Variants in RALGAPA2 observed in about 807,000 individuals in gnomAD.
RALGAPA2 encodes Ral GTPase activating protein catalytic subunit alpha 2, also known as ral GTPase-activating protein subunit alpha-2.
A neutral mutation model predicts 230.4 loss-of-function variants in RALGAPA2; 139 were observed. That is an observed-to-expected ratio of 0.60 (90% CI 0.53 to 0.69). The LOEUF is 0.69. Among genes scored for constraint, RALGAPA2 ranks in the 30% least tolerant of loss-of-function variants. RALGAPA2 has a pLI of 0.00. For synonymous variants in RALGAPA2, 847 were observed against 837.8 expected, an observed-to-expected ratio of 1.01 and a Z score of -0.19; for missense variants, 2,163 against 2,276.0, an observed-to-expected ratio of 0.95 and a Z score of 1.01.
intron 27 of RALGAPA2, among the ~76,000 whole-genome samples, chr20:20,530,938 C>G (rs962775243): frequency 6.6e-6 from 1 of 152,130 alleles, no homozygotes; most frequent in East Asian, 1.9e-4. Context: ...TTATTACCAC[C>G]ATTTCCAAGC....
At chr20:20,518,696 G>C (rs2062948031) in intron 31 of RALGAPA2, among the ~76,000 whole-genome samples, 1 of 152,112 alleles carries the variant, frequency 6.6e-6, no homozygotes, top group Admixed American at 6.5e-5. Context: ...GAATTTAAAT[G>C]TATATTTTTA....
chr20:20,449,535 T>G (rs1261970822), intron 37 of RALGAPA2, among the ~76,000 whole-genome samples: 1 of 152,240 alleles, frequency 6.6e-6, no homozygotes, highest in Non-Finnish European at 1.5e-5. Flanking sequence ...ACTAAAAGGC[T>G]TAGCAAAAGC....
chr20:20,516,689 T>C (rs1346144640), intron 31 of RALGAPA2, among the ~76,000 whole-genome samples: 1 of 152,128 alleles, frequency 6.6e-6, no homozygotes, highest in African/African-American at 2.4e-5. Context: ...CTGGGAGACT[T>C]GAAGAAAGGT....
intron 18 of RALGAPA2, among the ~76,000 whole-genome samples, chr20:20,586,382 C>G (rs1371402407): frequency 6.6e-6 from 1 of 152,172 alleles, no homozygotes; most frequent in Non-Finnish European, 1.5e-5. Context: ...TGCAAACATA[C>G]TGTTGAAATG....
At chr20:20,614,675 G>GCA (rs1460773651) in intron 13 of RALGAPA2, among the ~76,000 whole-genome samples, 1 of 152,194 alleles carries the variant, frequency 6.6e-6, no homozygotes, top group African/African-American at 2.4e-5. Flanking sequence ...TGAACTTTCT[G>GCA]CACACCAAGA....
chr20:20,701,007 T>A (rs923214857), intron 1 of RALGAPA2, among the ~76,000 whole-genome samples: 55 of 152,298 alleles, frequency 3.6e-4, no homozygotes, highest in African/African-American at 1.0e-3. Context: ...GGGTTTTTTT[T>A]AAAAAGTTAC....
chr20:20,656,934 TG>T (rs2067608775), intron 3 of RALGAPA2, among the ~76,000 whole-genome samples: 2 of 152,192 alleles, frequency 1.3e-5, no homozygotes, highest in African/African-American at 2.4e-5. Context: ...GGAGATGGCC[TG>T]GGGATCACCA....
In RALGAPA2 at chr20:20,537,031, A is replaced by G. The variant is rs576875514; in HGVS notation, c.3286-247T>C. On this transcript the variant is annotated intron_variant, in intron 24 of 39. Coordinates refer to ENST00000202677, the MANE Select transcript of RALGAPA2 (RefSeq NM_020343.4). ...GAAACTGATCTGCAGATTCATTCAGAATTAGAAAGGCCAATGACTCTGTCA... is the reference window on the plus strand; with the variant it reads ...GAAACTGATCTGCAGATTCATTCAGGATTAGAAAGGCCAATGACTCTGTCA... 7.9e-5 allele frequency among the ~76,000 whole-genome samples: 12 copies of G among 152,330 alleles called. No individual in the cohort carries two copies. The South Asian group carries it at 2.5e-3, about 32-fold the overall frequency.
intron 3 of RALGAPA2, among the ~76,000 whole-genome samples, chr20:20,664,804 G>T (rs982886145): frequency 6.6e-6 from 1 of 152,136 alleles, no homozygotes; most frequent in African/African-American, 2.4e-5. Flanking sequence ...TAAATTCAGA[G>T]GATTTAAACT....
chr20:20,467,325 T>C (rs2123342742), intron 37 of RALGAPA2, among the ~76,000 whole-genome samples: 1 of 152,386 alleles, frequency 6.6e-6, no homozygotes, highest in South Asian at 2.1e-4. Context: ...CATATTCATT[T>C]CTGAAGGCTC....
intron 10 of RALGAPA2, among the ~76,000 whole-genome samples, chr20:20,623,510 A>C (rs942565265): frequency 3.9e-5 from 6 of 152,178 alleles, no homozygotes; most frequent in Admixed American, 3.9e-4. Flanking sequence ...AAAAAAAAAA[A>C]AAAAACAAAT....
At chr20:20,666,433 C>T in intron 3 of RALGAPA2, among the ~76,000 whole-genome samples, 1 of 152,174 alleles carries the variant, frequency 6.6e-6, no homozygotes, top group East Asian at 1.9e-4. Flanking sequence ...GAAGAATCTG[C>T]TTTTCTTGTT....
chr20:20,559,334 A>G (rs2064183706), intron 23 of RALGAPA2, among the ~76,000 whole-genome samples: 2 of 152,120 alleles, frequency 1.3e-5, no homozygotes, highest in African/African-American at 2.4e-5. Context: ...CATTTAGACA[A>G]TTCGTGTTTA....
rs140943031 is a variant in RALGAPA2 at position 20,564,840 on chromosome 20, T to A, written c.3156+6618A>T. The stretch of plus-strand genomic sequence containing the variant: ...TCTGAAGCCATCTTATATCCTGAAT[T>A]CTTGGAAGTACATTTTCCAATTCTT... On this transcript the variant is annotated intron_variant, in intron 23 of 39. Coordinates refer to ENST00000202677, the MANE Select transcript of RALGAPA2 (RefSeq NM_020343.4). 4.5e-3 allele frequency among the ~76,000 whole-genome samples: 687 copies of A among 152,372 alleles called. 5 individuals carry two copies. The highest frequency in any genetic ancestry group is 0.016 in the African/African-American group (661 of 41,586).
At chr20:20,458,428 T>TATTATATAATACATAC (rs1569417165) in intron 37 of RALGAPA2, among the ~76,000 whole-genome samples, 1 of 139,026 alleles carries the variant, frequency 7.2e-6, no homozygotes, top group African/African-American at 2.8e-5. Flanking sequence ...ATAATATATA[T>TATTATATAATACATAC]GTATTTTTTA....
chr20:20,629,453 T>C lies in RALGAPA2; in HGVS notation c.1143A>G (p.Glu381=), dbSNP rs1452902814. The C allele has an allele frequency of 7.4e-6, 12 of 1,613,862 alleles. No individual in the cohort carries two copies. Among genetic ancestry groups the C allele is most frequent in the African/African-American group, 1.3e-5 (1 of 74,914 alleles). The change falls in exon 10 of 40, where the codon GAA becomes GAG. Residue 381 remains glutamate (E), a synonymous_variant. Transcript: ENST00000202677. ...RLSNSSLCSI[E]EEHRMVYEMV... is the part of the protein sequence containing the mutation. Reference sequence around the variant, plus strand: ...TTTCATACACCATTCGGTGCTCTTCTTCAATGCTACAGAGGCTGGAGTTGC... The same window carrying C: ...TTTCATACACCATTCGGTGCTCTTCCTCAATGCTACAGAGGCTGGAGTTGC...
Position 20,390,629 on chromosome 20 carries a change from GAT to G in RALGAPA2, c.*2658_*2659del, listed in dbSNP as rs2059587919. 6.6e-6 allele frequency: 1 copy of G among 151,754 alleles called. No homozygotes were observed. Among genetic ancestry groups the G allele is most frequent in the Non-Finnish European group, 1.5e-5 (1 of 67,994 alleles). The allele number at this position is 151,754 out of a possible 1,614,324, so 9.4% of individuals were successfully genotyped here. A position where few individuals can be genotyped will look rare whatever the true frequency, so the allele number is the denominator to read the frequency against. On this transcript the variant is annotated 3_prime_UTR_variant, in exon 40 of 40. Coordinates refer to ENST00000202677, the MANE Select transcript of RALGAPA2 (RefSeq NM_020343.4). ...TCAGGTGGGGCCCTAGTGGATGAAT[GAT>G]CCTCCGCAATTTTGCTGAAAGGGAT...
chr20:20,576,554 C>T (rs1032828524), intron 20 of RALGAPA2, among the ~76,000 whole-genome samples: 2 of 152,054 alleles, frequency 1.3e-5, no homozygotes, highest in African/African-American at 4.8e-5. Flanking sequence ...TCTTCAATCT[C>T]ATTTATTATT....
Position 20,429,227 on chromosome 20 carries a change from G to T in RALGAPA2, c.5496-17079C>A, listed in dbSNP as rs114252172. ...CAGGGCTGAAACTCAAACCCAGGGC[G>T]ATCTGTTACACATGCTGGCCTCTTC... is the stretch of plus-strand genomic sequence containing the variant. On this transcript the variant is annotated intron_variant, in intron 37 of 39. Coordinates refer to ENST00000202677, the MANE Select transcript of RALGAPA2 (RefSeq NM_020343.4). Among the ~76,000 whole-genome samples the T allele has an allele frequency of 5.0e-3, 758 of 152,272 alleles. 3 individuals are homozygous for T. Among genetic ancestry groups the T allele is most frequent in the African/African-American group, 0.017 (704 of 41,566 alleles).
Sources: gnomAD v4.1 joint callset for allele counts (sites outside exome capture counted in the v4.1 genomes callset) on GRCh38, gnomAD v4.1.1 for gene constraint, MANE v1.5 for transcripts, NCBI Gene and HGNC (gene_info 2026-07-23, HGNC 2026-07-21) for gene names.